UBIAD1: variants seen among roughly 807,000 people sequenced by gnomAD.
UBIAD1 encodes ubiA prenyltransferase domain-containing protein 1.
A neutral mutation model predicts 20.1 loss-of-function variants in UBIAD1; 12 were observed. The ratio of observed to expected loss-of-function variants is 0.60; its 90% confidence interval spans 0.38 to 0.97. UBIAD1 has a LOEUF of 0.97. UBIAD1 is among the 50% of genes least tolerant of loss of function. The probability of loss-of-function intolerance (pLI) is 0.00; values close to 1 mark genes in which losing one functional copy is unlikely to be tolerated. For synonymous variants in UBIAD1, 207 were observed against 189.2 expected (o/e 1.09, Z -0.77); for missense variants, 333 against 419.5 (o/e 0.79, Z 1.80).
chr1:11,294,731 A>G (rs2101029358), intron 1 of UBIAD1: 1 of 702,670 alleles, frequency 1.4e-6, no homozygotes, highest in Non-Finnish European at 2.7e-6. Context: ...GGCGAAAGTT[A>G]CAAGTCAAAG....
downstream of UBIAD1, among the ~76,000 whole-genome samples, chr1:11,299,157 C>G (rs1638492982): frequency 6.6e-6 from 1 of 152,244 alleles, no homozygotes; most frequent in African/African-American, 2.4e-5. Context: ...CCTGGGTCAT[C>G]CTTGATACTC....
Position 11,285,551 on chromosome 1 carries a change from T to A in UBIAD1, c.530-93T>A. 6.3e-7 allele frequency: 1 copy of A among 1,592,910 alleles called. No individual in the cohort carries two copies. The highest frequency in any genetic ancestry group is 8.6e-7 in the Non-Finnish European group (1 of 1,169,052). On this transcript the variant is annotated intron_variant, in intron 1 of 1. Coordinates refer to ENST00000376810, the MANE Select transcript of UBIAD1 (RefSeq NM_013319.3). This position sits in a 1 kb window ranked among gnomAD's most constrained non-coding sequence, Gnocchi z 4.4. Reference sequence around the variant, plus strand: ...CTGCACAGTCTAAGGATTTACCATTTTCAGCCGGAAGTGGCCTGCCTCTTC... The same window carrying A: ...CTGCACAGTCTAAGGATTTACCATTATCAGCCGGAAGTGGCCTGCCTCTTC...
downstream of UBIAD1, among the ~76,000 whole-genome samples, chr1:11,291,326 G>A (rs943517120): frequency 5.3e-5 from 8 of 152,010 alleles, no homozygotes; most frequent in Non-Finnish European, 1.0e-4. Flanking sequence ...TATGGAATGG[G>A]GCCAATCACG....
intron 1 of UBIAD1, chr1:11,278,607 A>G: frequency 2.9e-6 from 4 of 1,394,210 alleles, no homozygotes; most frequent in Non-Finnish European, 3.8e-6. Context: ...GAGATCCACT[A>G]AAATTAATTG....
chr1:11,295,250 T>C (rs561150224), downstream of UBIAD1: 9 of 325,746 alleles, frequency 2.8e-5, no homozygotes, highest in South Asian at 3.5e-4. Context: ...TAGGAAGAGG[T>C]GGCCATAAGA....
rs891248692 is a variant in UBIAD1, at chr1:11,288,313, C to T, written c.*2182C>T. The T allele has an allele frequency of 1.3e-5, 2 of 152,146 alleles. No individual in the cohort carries two copies. The highest frequency in any genetic ancestry group is 4.8e-5 in the African/African-American group (2 of 41,428). The allele number at this position is 152,146 out of a possible 1,614,324, so 9.4% of individuals were successfully genotyped here. ...TGCATATTTTTATATATAAATGTTC[C>T]CAAAGGCCAAATTTGTTGCCAGGTT... On this transcript the variant is annotated 3_prime_UTR_variant, in exon 2 of 2. Coordinates refer to ENST00000376810, the MANE Select transcript of UBIAD1 (RefSeq NM_013319.3).
At chr1:11,279,426 G>GT (rs76594956) in intron 1 of UBIAD1, 14,712 of 152,832 alleles carry the variant, frequency 0.096, 1,124 homozygotes, top group African/African-American at 0.2. Flanking sequence ...TTTTTGTTTT[G>GT]TTTTTTGTTT....
chr1:11,282,675 GC>G lies in UBIAD1; in HGVS notation c.530-2967del, dbSNP rs1173283071. Among the ~76,000 whole-genome samples, 5 of 149,458 alleles carry G rather than the reference GC, an allele frequency of 3.3e-5. No homozygotes were observed. In the Admixed American group the frequency reaches 3.4e-4, roughly 10 times the overall value. On this transcript the variant is annotated intron_variant, in intron 1 of 1. Coordinates refer to ENST00000376810, the MANE Select transcript of UBIAD1 (RefSeq NM_013319.3). ...GCCTCCTGGTTCAAGCGATTCTCCT[GC>G]CTCAGCCTCCCGAGTAGCTGGGATT... is the stretch of plus-strand genomic sequence containing the variant.
chr1:11,296,138 T>C (rs927973447), downstream of UBIAD1: 2 of 152,222 alleles, frequency 1.3e-5, no homozygotes, highest in African/African-American at 4.8e-5. Flanking sequence ...AGTATTATGT[T>C]ACAGGCACTT....
chr1:11,276,480 A>G (rs867411898), intron 1 of UBIAD1, among the ~76,000 whole-genome samples: 7 of 152,264 alleles, frequency 4.6e-5, no homozygotes, highest in Non-Finnish European at 1.5e-5. Context: ...CCTGGCCAAC[A>G]TGGTGAAACC....
At chr1:11,278,895 C>T (rs539245623) in intron 1 of UBIAD1, 176 of 298,944 alleles carry the variant, frequency 5.9e-4, no homozygotes, top group African/African-American at 3.5e-3. Context: ...GACAGAGGCT[C>T]GCGCTGTGGC....
downstream of UBIAD1, among the ~76,000 whole-genome samples, chr1:11,297,992 C>T (rs1459270551): frequency 3.3e-5 from 5 of 151,036 alleles, no homozygotes; most frequent in East Asian, 9.8e-4. Context: ...CGAAGTTTTG[C>T]TCTTGTTGCC....
chr1:11,280,052 T>C (rs1417086768), intron 1 of UBIAD1, among the ~76,000 whole-genome samples: 4 of 152,034 alleles, frequency 2.6e-5, no homozygotes, highest in Non-Finnish European at 5.9e-5. Flanking sequence ...ATCAATGAGG[T>C]GGTGTAATAG....
downstream of UBIAD1, among the ~76,000 whole-genome samples, chr1:11,299,393 C>T (rs921922714): frequency 1.3e-5 from 2 of 152,220 alleles, no homozygotes; most frequent in Non-Finnish European, 2.9e-5. Flanking sequence ...TCACAACCAC[C>T]GCACAGGAGC....
At position 11,288,331 on chromosome 1, in the gene UBIAD1, G is replaced by T. The variant is rs549616521; in HGVS notation, c.*2200G>T. On this transcript the variant is annotated 3_prime_UTR_variant, in exon 2 of 2. Coordinates refer to ENST00000376810, the MANE Select transcript of UBIAD1 (RefSeq NM_013319.3). ...AATGTTCCCAAAGGCCAAATTTGTTGCCAGGTTTTATACGCAGGTCACCAT... is the reference window on the plus strand; with the variant it reads ...AATGTTCCCAAAGGCCAAATTTGTTTCCAGGTTTTATACGCAGGTCACCAT... 2.3e-4 allele frequency: 35 copies of T among 152,306 alleles called. No individual in the cohort carries two copies. The highest frequency in any genetic ancestry group is 7.9e-4 in the African/African-American group (33 of 41,568). The allele number at this position is 152,306 out of a possible 1,614,324, so 9.4% of individuals were successfully genotyped here. A position where few individuals can be genotyped will look rare whatever the true frequency, so the allele number is the denominator to read the frequency against.
chr1:11,291,714 C>T (rs539158784), downstream of UBIAD1, among the ~76,000 whole-genome samples: 1 of 151,808 alleles, frequency 6.6e-6, no homozygotes, highest in Non-Finnish European at 1.5e-5. Context: ...TTGGTAACGG[C>T]TGCAGTAGAG....
intron 1 of UBIAD1, among the ~76,000 whole-genome samples, chr1:11,282,279 G>T (rs1652265067): frequency 6.6e-6 from 1 of 152,202 alleles, no homozygotes; most frequent in Admixed American, 6.6e-5. Context: ...TGGCTGCCGT[G>T]TGGAGAACCG....
intron 1 of UBIAD1, chr1:11,278,787 T>C: frequency 2.0e-6 from 1 of 503,126 alleles, no homozygotes; most frequent in Non-Finnish European, 3.6e-6. Context: ...ATTCCATTCA[T>C]ATTAATTCTT....
At chr1:11,280,272 G>A (rs1652197901) in intron 1 of UBIAD1, among the ~76,000 whole-genome samples, 1 of 152,152 alleles carries the variant, frequency 6.6e-6, no homozygotes. Context: ...TGAAAGGTCT[G>A]TGTGAGCCAG....
Sources: allele counts gnomAD v4.1 joint callset (sites outside exome capture counted in the v4.1 genomes callset), GRCh38; gene constraint gnomAD v4.1.1; non-coding constraint Gnocchi (gnomAD v3.1); transcripts MANE v1.5; gene names NCBI Gene and HGNC (gene_info 2026-07-23, HGNC 2026-07-21).